The following KCNQ1 variants were observed in gnomAD, a reference collection of about 807,000 sequenced individuals.
KCNQ1 encodes the protein potassium voltage-gated channel subfamily KQT member 1.
A neutral mutation model predicts 72.4 loss-of-function variants in KCNQ1; 49 were observed. The observed-to-expected ratio is 0.68, with a 90% CI of 0.54 to 0.86. KCNQ1 has a LOEUF of 0.86. Ranked by LOEUF, KCNQ1 falls within the 40% of genes least tolerant of loss-of-function variation. The pLI is 0.00. For synonymous variants in KCNQ1, 450 were observed against 412.6 expected (o/e 1.09, Z -1.10); for missense variants, 790 against 945.1 (o/e 0.84, Z 2.15).
At chr11:2,793,409 C>T (rs2095220868) in intron 15 of KCNQ1, among the ~76,000 whole-genome samples, 2 of 57,648 alleles carry the variant, frequency 3.5e-5, no homozygotes, top group African/African-American at 8.1e-5. Flanking sequence ...GGCTTGAGGC[C>T]AGGAGTTCAC....
At chr11:2,722,305 C>T (rs137877286) in intron 11 of KCNQ1, among the ~76,000 whole-genome samples, 199 of 152,152 alleles carry the variant, frequency 1.3e-3, no homozygotes, top group Admixed American at 2.7e-3. Context: ...GAGGCCAGGG[C>T]GGGCCTCGGG....
In KCNQ1 at chr11:2,787,733, C is replaced by T. The variant is rs756755586; in HGVS notation, c.1794+9696C>T. ...ATTTTACACATTTCAATTTAGACAC[C>T]GAGTTTTCATGAGAACGACTTGGTC... On this transcript the variant is annotated intron_variant, in intron 15 of 15. Transcript: ENST00000155840. The surrounding 1 kb of genome is among the most constrained non-coding windows in gnomAD (Gnocchi z 6.3). 1.3e-5 allele frequency among the ~76,000 whole-genome samples: 2 copies of T among 151,982 alleles called. No homozygotes were observed. The highest frequency in any genetic ancestry group is 4.8e-5 in the African/African-American group (2 of 41,360).
rs1379311546 is a variant in KCNQ1, at chr11:2,653,927, C to G, written c.1394-8034C>G. On this transcript the variant is annotated intron_variant, in intron 10 of 15. Coordinates refer to ENST00000155840, the MANE Select transcript of KCNQ1 (RefSeq NM_000218.3). This position sits in a 1 kb window ranked among gnomAD's most constrained non-coding sequence, Gnocchi z 5.3. ...TGAGAAGCTGTTCCCAGAAGCCAGG[C>G]CTGGCTGCTGGCAGGCAAAAACAAC... is the stretch of plus-strand genomic sequence containing the variant. 7.5e-6 allele frequency: 3 copies of G among 398,592 alleles called. No homozygotes were observed. The highest frequency in any genetic ancestry group is 1.3e-5 in the Non-Finnish European group (3 of 226,150). 24.7% of individuals were successfully genotyped at this position (398,592 alleles called of 1,614,324 possible).
Position 2,508,510 on chromosome 11 carries a change from GAT to G in KCNQ1, c.387-19417_387-19416del, listed in dbSNP as rs1166827709. On this transcript the variant is annotated intron_variant, in intron 1 of 15. Coordinates refer to ENST00000155840, the MANE Select transcript of KCNQ1 (RefSeq NM_000218.3). This position sits in a 1 kb window ranked among gnomAD's most constrained non-coding sequence, Gnocchi z 6.2. The stretch of plus-strand genomic sequence containing the variant: ...GTCCCATCTGTCATGCAGAGAGGGT[GAT>G]GATATAACCAGCTGGGTGTTCGCAC... 2.6e-5 allele frequency among the ~76,000 whole-genome samples: 4 copies of G among 151,994 alleles called. No individual in the cohort carries two copies. Among genetic ancestry groups the G allele is most frequent in the Non-Finnish European group, 5.9e-5 (4 of 67,978 alleles).
chr11:2,526,235 G>T lies in KCNQ1; in HGVS notation c.387-1693G>T, dbSNP rs1257457337. 1.3e-5 allele frequency among the ~76,000 whole-genome samples: 2 copies of T among 152,064 alleles called. No individual in the cohort carries two copies. Among genetic ancestry groups the T allele is most frequent in the African/African-American group, 4.8e-5 (2 of 41,382 alleles). ...ACTGACTGGCTGGGTGTGTGGGCTG[G>T]GGGCGCCGAGGGTGGAGGTGGGCAC... On this transcript the variant is annotated intron_variant, in intron 1 of 15. Coordinates refer to ENST00000155840, the MANE Select transcript of KCNQ1 (RefSeq NM_000218.3). The surrounding 1 kb of genome is among the most constrained non-coding windows in gnomAD (Gnocchi z 6.1).
rs1191699140 is a variant in KCNQ1 at position 2,475,304 on chromosome 11, A to G, written c.386+29820A>G. Among the ~76,000 whole-genome samples the G allele has an allele frequency of 6.6e-6, 1 of 152,092 alleles. No homozygotes were observed. The highest frequency in any genetic ancestry group is 1.5e-5 in the Non-Finnish European group (1 of 68,024). On this transcript the variant is annotated intron_variant, in intron 1 of 15. Coordinates refer to ENST00000155840, the MANE Select transcript of KCNQ1 (RefSeq NM_000218.3). This position sits in a 1 kb window ranked among gnomAD's most constrained non-coding sequence, Gnocchi z 5.8. ...TCTTCACTGTCCGCCGTGTTATAAC[A>G]CGCAAGGGAATTCCCTTCCTTTCTG...
rs530603889 is a variant in KCNQ1 at position 2,837,702 on chromosome 11, G to A, written c.1795-10065G>A. Among the ~76,000 whole-genome samples the A allele has an allele frequency of 1.1e-4, 16 of 152,324 alleles. No homozygotes were observed. The South Asian group carries it at 3.3e-3, about 32-fold the overall frequency. On this transcript the variant is annotated intron_variant, in intron 15 of 15. Transcript: ENST00000155840. ...CTCACCAAGGAGACCCTCACCTGGG[G>A]CCTGGAGAATGAGAAGGGTCTGGAG...
rs1343957673 is a variant in KCNQ1, at chr11:2,724,422, CG to C, written c.1515-44421del. Among the ~76,000 whole-genome samples, 1 of 152,048 alleles carries C rather than the reference CG, an allele frequency of 6.6e-6. No individual in the cohort carries two copies. Among genetic ancestry groups the C allele is most frequent in the Non-Finnish European group, 1.5e-5 (1 of 67,970 alleles). ...TCCCTGTCCCGCCAGCCCTAGGCCT[CG>C]AACCCTCCCTGGCAAGCTAACACTG... On this transcript the variant is annotated intron_variant, in intron 11 of 15. Coordinates refer to ENST00000155840, the MANE Select transcript of KCNQ1 (RefSeq NM_000218.3). This position sits in a 1 kb window ranked among gnomAD's most constrained non-coding sequence, Gnocchi z 6.8.
chr11:2,631,348 A>G (rs1006998235), intron 10 of KCNQ1: 4 of 398,026 alleles, frequency 1.0e-5, no homozygotes, highest in South Asian at 2.5e-4. Context: ...TCCTCCTTCT[A>G]TTTGATCAAG....
At chr11:2,655,136 A>G in intron 10 of KCNQ1, 3 of 398,644 alleles carry the variant, frequency 7.5e-6, no homozygotes, top group South Asian at 1.3e-4. Flanking sequence ...ACTGACTAGA[A>G]AGGAGGATGC....
chr11:2,511,340 G>A lies in KCNQ1; in HGVS notation c.387-16588G>A, dbSNP rs146353378. Among the ~76,000 whole-genome samples, 187 of 152,258 alleles carry A rather than the reference G, an allele frequency of 1.2e-3. 1 individual carries two copies. The highest frequency in any genetic ancestry group is 4.4e-3 in the African/African-American group (181 of 41,534). ...GCTTCCTGGGGAGGCAGCTGGCACC[G>A]CCTGATTCCTGTTTCTGAATGCCCT... On this transcript the variant is annotated intron_variant, in intron 1 of 15. Transcript: ENST00000155840.
intron 10 of KCNQ1, chr11:2,619,452 C>CT (rs1490493232): frequency 5.0e-6 from 2 of 398,408 alleles, no homozygotes; most frequent in Admixed American, 8.8e-5. Flanking sequence ...ATCTTTCAGT[C>CT]TGTTAGTATC....
chr11:2,713,311 T>C lies in KCNQ1; in HGVS notation c.1514+51230T>C, dbSNP rs918924592. Reference sequence around the variant, plus strand: ...TGTTCACTGCGCTTCTCAGGCCTTCTGGGCTCTTCCTCTGCTGCTCGCCAT... The same window carrying C: ...TGTTCACTGCGCTTCTCAGGCCTTCCGGGCTCTTCCTCTGCTGCTCGCCAT... On this transcript the variant is annotated intron_variant, in intron 11 of 15. Coordinates refer to ENST00000155840, the MANE Select transcript of KCNQ1 (RefSeq NM_000218.3). This position sits in a 1 kb window ranked among gnomAD's most constrained non-coding sequence, Gnocchi z 5.6. 1.3e-5 allele frequency among the ~76,000 whole-genome samples: 2 copies of C among 152,216 alleles called. No individual in the cohort carries two copies. The highest frequency in any genetic ancestry group is 4.8e-5 in the African/African-American group (2 of 41,450).
In KCNQ1 at chr11:2,678,071, A is replaced by G. The variant is rs1221367269; in HGVS notation, c.1514+15990A>G. 11 of 398,282 alleles carry G rather than the reference A, an allele frequency of 2.8e-5. No homozygotes were observed. The highest frequency in any genetic ancestry group is 4.4e-5 in the Non-Finnish European group (10 of 225,984). 24.7% of individuals were successfully genotyped at this position (398,282 alleles called of 1,614,324 possible). A position where few individuals can be genotyped will look rare whatever the true frequency, so the allele number is the denominator to read the frequency against. Reference sequence around the variant, plus strand: ...CTTCATACCCTTTGGACTTTGTAAAATACCTTGTCTTACTGATTTGTAGAA... The same window carrying G: ...CTTCATACCCTTTGGACTTTGTAAAGTACCTTGTCTTACTGATTTGTAGAA... On this transcript the variant is annotated intron_variant, in intron 11 of 15. Coordinates refer to ENST00000155840, the MANE Select transcript of KCNQ1 (RefSeq NM_000218.3). The surrounding 1 kb of genome is among the most constrained non-coding windows in gnomAD (Gnocchi z 4.9).
At chr11:2,459,103 G>A (rs1410708514) in intron 1 of KCNQ1, among the ~76,000 whole-genome samples, 1 of 152,194 alleles carries the variant, frequency 6.6e-6, no homozygotes, top group African/African-American at 2.4e-5. Context: ...GCTTTATGGG[G>A]CTCTGGAGCA....
At position 2,738,774 on chromosome 11, in the gene KCNQ1, C is replaced by A. The variant is rs533154321; in HGVS notation, c.1515-30070C>A. On this transcript the variant is annotated intron_variant, in intron 11 of 15. Coordinates refer to ENST00000155840, the MANE Select transcript of KCNQ1 (RefSeq NM_000218.3). ...CTGCAGCACTGGCCACACAGACAGA[C>A]CCTGGGGGGATTGTCCTTCTGCCAC... Among the ~76,000 whole-genome samples, 4 of 152,328 alleles carry A rather than the reference C, an allele frequency of 2.6e-5. No individual in the cohort carries two copies. The South Asian group carries it at 8.3e-4, about 32-fold the overall frequency.
In KCNQ1 at chr11:2,710,875, T is replaced by TATAGCTTTG. The variant is rs1850990609; in HGVS notation, c.1514+48795_1514+48803dup. ...GCCAGTACTATATCGTCTTGATTGTTATAGCTTTGTAGTGAGTTTTAAAAT... is the reference window on the plus strand; with the variant it reads ...GCCAGTACTATATCGTCTTGATTGTTATAGCTTTGATAGCTTTGTAGTGAGTTTTAAAAT... On this transcript the variant is annotated intron_variant, in intron 11 of 15. Coordinates refer to ENST00000155840, the MANE Select transcript of KCNQ1 (RefSeq NM_000218.3). This position sits in a 1 kb window ranked among gnomAD's most constrained non-coding sequence, Gnocchi z 4.1. Among the ~76,000 whole-genome samples, 1 of 152,254 alleles carries TATAGCTTTG rather than the reference T, an allele frequency of 6.6e-6. No individual in the cohort carries two copies. The highest frequency in any genetic ancestry group is 2.1e-4 in the South Asian group (1 of 4,834).
chr11:2,841,556 T>G (rs1279636113), intron 15 of KCNQ1, among the ~76,000 whole-genome samples: 5 of 152,182 alleles, frequency 3.3e-5, no homozygotes, highest in Non-Finnish European at 7.3e-5. Context: ...TAGTTGGTCG[T>G]GCCCTGTGGA....
At position 2,711,143 on chromosome 11, in the gene KCNQ1, T is replaced by G. The variant is rs781403851; in HGVS notation, c.1514+49062T>G. On this transcript the variant is annotated intron_variant, in intron 11 of 15. Coordinates refer to ENST00000155840, the MANE Select transcript of KCNQ1 (RefSeq NM_000218.3). This position sits in a 1 kb window ranked among gnomAD's most constrained non-coding sequence, Gnocchi z 5.4. ...TCATTGTATTTGGATTTTTAAAAAT[T>G]TGGTTCAAGAATATCTCATAGTTTT... is the stretch of plus-strand genomic sequence containing the variant. Among the ~76,000 whole-genome samples, 1 of 152,202 alleles carries G rather than the reference T, an allele frequency of 6.6e-6. No homozygotes were observed. Among genetic ancestry groups the G allele is most frequent in the Non-Finnish European group, 1.5e-5 (1 of 68,038 alleles).
Sources: allele counts gnomAD v4.1 joint callset (sites outside exome capture counted in the v4.1 genomes callset), GRCh38; gene constraint gnomAD v4.1.1; non-coding constraint Gnocchi (gnomAD v3.1); transcripts MANE v1.5; gene names NCBI Gene and HGNC (gene_info 2026-07-23, HGNC 2026-07-21).